The following CTNNA3 variants were observed in gnomAD, a reference collection of about 807,000 sequenced individuals.
CTNNA3 encodes catenin alpha 3, also known as catenin alpha-3.
In CTNNA3, 76 loss-of-function variants were observed where a neutral mutation model predicts 95.7. The ratio of observed to expected loss-of-function variants is 0.79; its 90% CI spans 0.66 to 0.96. The LOEUF is 0.96. CTNNA3 is among the 40% of genes least tolerant of loss of function. The probability of loss-of-function intolerance (pLI) is 0.00; values close to 1 mark genes in which losing one functional copy is unlikely to be tolerated. For synonymous variants in CTNNA3, 431 were observed against 374.4 expected, an observed-to-expected ratio of 1.15 and a Z score of -1.74; for missense variants, 1,191 against 1,089.8, an observed-to-expected ratio of 1.09 and a Z score of -1.31.
At chr10:66,957,853 C>G (rs1377874765) in intron 7 of CTNNA3, among the ~76,000 whole-genome samples, 1 of 151,910 alleles carries the variant, frequency 6.6e-6, no homozygotes, top group African/African-American at 2.4e-5. Flanking sequence ...CTGAAGGGAG[C>G]CAGAGAAATT....
At chr10:66,038,063 C>T (rs1414427819) in intron 15 of CTNNA3, among the ~76,000 whole-genome samples, 2 of 152,152 alleles carry the variant, frequency 1.3e-5, no homozygotes, top group Admixed American at 6.5e-5. Context: ...GTCTGTAATA[C>T]AACTCCACAG....
chr10:66,019,306 T>C (rs1174787050), intron 15 of CTNNA3, among the ~76,000 whole-genome samples: 1 of 152,216 alleles, frequency 6.6e-6, no homozygotes, highest in Non-Finnish European at 1.5e-5. Flanking sequence ...CTATCAGTAG[T>C]ATTTACATAG....
rs1390877021 is a variant in CTNNA3 at position 67,435,266 on chromosome 10, G to A, written c.579+86576C>T. 2.0e-5 allele frequency among the ~76,000 whole-genome samples: 3 copies of A among 151,900 alleles called. No homozygotes were observed. In the South Asian group the frequency reaches 6.2e-4, roughly 32 times the overall value. On this transcript the variant is annotated intron_variant, in intron 5 of 17. Coordinates refer to ENST00000433211, the MANE Select transcript of CTNNA3 (RefSeq NM_013266.4). ...CACATTCATACTGTTCAGCAACATA[G>A]ACAAACTCAAACATCCATACATCCG...
intron 6 of CTNNA3, among the ~76,000 whole-genome samples, chr10:67,216,431 C>T (rs984385916): frequency 1.3e-5 from 2 of 152,070 alleles, no homozygotes; most frequent in Non-Finnish European, 2.9e-5. Flanking sequence ...CCAAATACAT[C>T]CACTTTCAGT....
chr10:67,115,546 T>C (rs927283017), intron 7 of CTNNA3, among the ~76,000 whole-genome samples: 1 of 151,822 alleles, frequency 6.6e-6, no homozygotes, highest in Non-Finnish European at 1.5e-5. Flanking sequence ...TGCTACATGA[T>C]ACAAGTATCA....
intron 5 of CTNNA3, among the ~76,000 whole-genome samples, chr10:67,285,618 A>G (rs117857798): frequency 0.027 from 4,117 of 152,350 alleles, 103 homozygotes; most frequent in South Asian, 0.1. Context: ...TTAAAGTAAC[A>G]CTTGTTTTGT....
At chr10:66,526,068 T>C (rs189202375) in intron 10 of CTNNA3, among the ~76,000 whole-genome samples, 1 of 152,250 alleles carries the variant, frequency 6.6e-6, no homozygotes, top group Admixed American at 6.5e-5. Flanking sequence ...GGACATTGGG[T>C]TGTTTCCATA....
At chr10:66,307,695 A>G (rs573454970) in intron 12 of CTNNA3, among the ~76,000 whole-genome samples, 1 of 152,358 alleles carries the variant, frequency 6.6e-6, no homozygotes, top group South Asian at 2.1e-4. Flanking sequence ...TGAATTTCAT[A>G]AAAATCAAAA....
chr10:66,525,116 A>C (rs1841207561), intron 10 of CTNNA3, among the ~76,000 whole-genome samples: 1 of 152,042 alleles, frequency 6.6e-6, no homozygotes, highest in Non-Finnish European at 1.5e-5. Context: ...CAAAGTGTGG[A>C]GTAAAATAAG....
Position 66,380,310 on chromosome 10 carries a change from G to A in CTNNA3, c.1532-958C>T, listed in dbSNP as rs141206431. Among the ~76,000 whole-genome samples, 402 of 151,784 alleles carry A rather than the reference G, an allele frequency of 2.6e-3. 1 individual carries two copies. The highest frequency in any genetic ancestry group is 8.4e-3 in the African/African-American group (346 of 41,380). Reference sequence around the variant, plus strand: ...TTCAGAGTCACACTTCCCTCTTGTCGTCCAAAAAATAAAATCAGTCTGGGT... The same window carrying A: ...TTCAGAGTCACACTTCCCTCTTGTCATCCAAAAAATAAAATCAGTCTGGGT... On this transcript the variant is annotated intron_variant, in intron 11 of 17. Coordinates refer to ENST00000433211, the MANE Select transcript of CTNNA3 (RefSeq NM_013266.4).
intron 16 of CTNNA3, among the ~76,000 whole-genome samples, chr10:65,968,837 C>A (rs2078033443): frequency 6.6e-6 from 1 of 152,190 alleles, no homozygotes; most frequent in Non-Finnish European, 1.5e-5. Flanking sequence ...TATCTAGGCA[C>A]ACCTCTTGGT....
intron 7 of CTNNA3, among the ~76,000 whole-genome samples, chr10:66,978,552 A>AATAAAAAAAAAATATATATATATATATAT (rs1850215873): frequency 7.9e-5 from 3 of 37,884 alleles, no homozygotes; most frequent in African/African-American, 2.6e-4. Flanking sequence ...AAAAAAAAAA[A>AATAAAAAAAAAATATATATATATATATAT]ATATATATAT....
intron 11 of CTNNA3, among the ~76,000 whole-genome samples, chr10:66,491,507 T>C (rs1203298592): frequency 6.6e-6 from 1 of 152,184 alleles, no homozygotes; most frequent in Admixed American, 6.5e-5. Context: ...GACCATTTTA[T>C]TTTTAAAATT....
At chr10:66,909,813 A>G (rs75901837) in intron 7 of CTNNA3, among the ~76,000 whole-genome samples, 4,245 of 152,302 alleles carry the variant, frequency 0.028, 81 homozygotes, top group Non-Finnish European at 0.045. Flanking sequence ...CCAGAGAACC[A>G]TAATTATGAT....
intron 1 of CTNNA3, among the ~76,000 whole-genome samples, chr10:67,682,431 C>A (rs1345573368): frequency 6.6e-6 from 1 of 151,752 alleles, no homozygotes; most frequent in Non-Finnish European, 1.5e-5. Flanking sequence ...AATTGTTCAA[C>A]TATACTTATA....
chr10:66,650,407 G>A (rs997470720), intron 9 of CTNNA3, among the ~76,000 whole-genome samples: 8 of 152,122 alleles, frequency 5.3e-5, no homozygotes, highest in African/African-American at 1.7e-4. Context: ...TAAACAATAT[G>A]CTCTTTAACA....
chr10:67,230,959 T>G (rs1176952570), intron 5 of CTNNA3, among the ~76,000 whole-genome samples: 1 of 152,116 alleles, frequency 6.6e-6, no homozygotes, highest in African/African-American at 2.4e-5. Context: ...ATACTGCGCT[T>G]TTCCGACGGG....
intron 1 of CTNNA3, among the ~76,000 whole-genome samples, chr10:67,743,655 A>T (rs1304851620): frequency 2.0e-5 from 3 of 151,310 alleles, no homozygotes; most frequent in African/African-American, 4.8e-5. Context: ...AGGCCAGGGC[A>T]ATCAGGCAGG....
intron 1 of CTNNA3, among the ~76,000 whole-genome samples, chr10:67,679,707 T>G (rs1840592263): frequency 6.6e-6 from 1 of 152,232 alleles, no homozygotes; most frequent in South Asian, 2.1e-4. Flanking sequence ...TTGGTTTCAC[T>G]CAAACATTTT....
Sources: gnomAD v4.1 joint callset for allele counts (sites outside exome capture counted in the v4.1 genomes callset) on GRCh38, gnomAD v4.1.1 for gene constraint, MANE v1.5 for transcripts, NCBI Gene and HGNC (gene_info 2026-07-23, HGNC 2026-07-21) for gene names.